The following LGALS9 variants were observed in gnomAD, a reference collection of about 807,000 sequenced individuals.
The protein encoded by LGALS9 is galectin 9.
LGALS9 carries 26 observed loss-of-function variants against 35.9 expected under a neutral mutation model. The observed-to-expected ratio is 0.72, with a 90% CI of 0.53 to 1.01. The LOEUF (loss-of-function observed/expected upper bound fraction) is 1.01. LGALS9 is among the 50% of genes least tolerant of loss of function. The pLI is 0.00. For synonymous variants in LGALS9, 149 were observed against 172.2 expected (o/e 0.87, Z 1.06); for missense variants, 347 against 445.8 (o/e 0.78, Z 1.99).
At chr17:27,645,053 G>A (rs1904826378) in intron 5 of LGALS9, 7 of 587,796 alleles carry the variant, frequency 1.2e-5, no homozygotes, top group Non-Finnish European at 2.1e-5. Context: ...AAAGCAATGA[G>A]GTCTCTATCA....
chr17:27,643,684 G>T, intron 5 of LGALS9, 64 bp downstream of exon 5: 1 of 1,518,926 alleles, frequency 6.6e-7, no homozygotes, highest in East Asian at 2.4e-5. Context: ...GGGTCTGAGA[G>T]GCTGGCCCCA....
chr17:27,645,308 C>T lies in LGALS9; in HGVS notation c.541-6C>T, dbSNP rs1904850954. 6.2e-7 allele frequency: 1 copy of T among 1,613,782 alleles called. No individual in the cohort carries two copies. Among genetic ancestry groups the T allele is most frequent in the Admixed American group, 1.7e-5 (1 of 59,974 alleles). ...ACCACCATTCTGACTCTCCTCACCC[C>T]TCCAGCCTCCCGGCGTGTGGCCTGC... On this transcript the variant is annotated splice_polypyrimidine_tract_variant and splice_region_variant and intron_variant, in intron 5 of 10. Coordinates refer to ENST00000395473, the MANE Select transcript of LGALS9 (RefSeq NM_009587.3).
chr17:27,640,716 T>C lies in LGALS9; in HGVS notation c.276T>C (p.Pro92=), dbSNP rs1904408158. 1 of 1,614,084 alleles carries C rather than the reference T, an allele frequency of 6.2e-7. No homozygotes were observed. Among genetic ancestry groups the C allele is most frequent in the South Asian group, 1.1e-5 (1 of 91,088 alleles). ...CCGAGGAGAGGAAGACACACATGCC[T>C]TTCCAGAAGGGGATGCCCTTTGACC... ...WGPEERKTHM[P]FQKGMPFDLC... is the part of the protein sequence containing the mutation. The change falls in exon 3 of 11, where the codon CCT becomes CCC. Residue 92 remains proline (P), a synonymous_variant. Coordinates refer to ENST00000395473, the MANE Select transcript of LGALS9 (RefSeq NM_009587.3).
rs990503489 is a variant in LGALS9 at position 27,645,556 on chromosome 17, G to A, written c.576+207G>A. The A allele has an allele frequency of 4.1e-4, 300 of 726,218 alleles. 4 individuals carry two copies. Among genetic ancestry groups the A allele is most frequent in the East Asian group, 9.1e-4 (31 of 34,008 alleles). 45.0% of individuals were successfully genotyped at this position (726,218 alleles called of 1,614,324 possible). A position where few individuals can be genotyped will look rare whatever the true frequency, so the allele number is the denominator to read the frequency against. ...GAGTTGCCACCCCGTGGGCAGCCAC[G>A]GAAGACCATGCCCCACATTCACTTC... On this transcript the variant is annotated intron_variant, in intron 6 of 10. Transcript: ENST00000395473.
rs1039651510 is a variant in LGALS9, at chr17:27,642,648, C to A, written c.444+300C>A. ...GAGGGCATATTGTTCTAGAAAGAGC[C>A]CAGGCTCAAGAACCAAACTGAATCC... On this transcript the variant is annotated intron_variant, in intron 4 of 10. Transcript: ENST00000395473. 4.7e-4 allele frequency among the ~76,000 whole-genome samples: 71 copies of A among 152,028 alleles called. 2 individuals carry two copies. Among genetic ancestry groups the A allele is most frequent in the African/African-American group, 1.6e-3 (68 of 41,288 alleles).
chr17:27,631,532 T>C (rs2074392861), intron 1 of LGALS9, among the ~76,000 whole-genome samples: 1 of 152,210 alleles, frequency 6.6e-6, no homozygotes, highest in African/African-American at 2.4e-5. Context: ...TTTGACAGTG[T>C]TGACTGAGCT....
chr17:27,648,414 TG>T (rs1397090182), intron 10 of LGALS9, among the ~76,000 whole-genome samples: 2 of 152,242 alleles, frequency 1.3e-5, no homozygotes, highest in Non-Finnish European at 2.9e-5. Flanking sequence ...GGACAGTGCC[TG>T]GCAGGTGGCA....
intron 4 of LGALS9, 128 bp downstream of exon 4, chr17:27,642,476 T>A (rs1291493199): frequency 1.5e-6 from 2 of 1,376,076 alleles, no homozygotes; most frequent in African/African-American, 1.5e-5. Context: ...AACCTCTGCT[T>A]CCCTGTCCCA....
intron 1 of LGALS9, among the ~76,000 whole-genome samples, chr17:27,632,665 T>G (rs2074404574): frequency 6.6e-6 from 1 of 152,204 alleles, no homozygotes; most frequent in South Asian, 2.1e-4. Context: ...TTCTGACATA[T>G]TATTATTCTG....
chr17:27,640,628 A>C lies in LGALS9; in HGVS notation c.188A>C (p.Asn63Thr). Reference protein sequence around the residue: ...FSGNDIAFHFNPRFEDGGYVV... With the variant: ...FSGNDIAFHFTPRFEDGGYVV... ...GGAAATGACATTGCCTTCCACTTCA[A>C]CCCTCGGTTTGAAGATGGAGGGTAC... The change falls in exon 3 of 11, where the codon AAC becomes ACC. Residue 63 changes from asparagine (N) to threonine (T), a missense_variant. By Grantham distance (65) the Asn-to-Thr change is moderately conservative. Transcript: ENST00000395473. 2.5e-6 allele frequency: 4 copies of C among 1,614,128 alleles called. No homozygotes were observed. Among genetic ancestry groups the C allele is most frequent in the Non-Finnish European group, 3.4e-6 (4 of 1,179,994 alleles).
chr17:27,634,664 C>T (rs377620488), intron 1 of LGALS9, among the ~76,000 whole-genome samples: 17 of 152,200 alleles, frequency 1.1e-4, no homozygotes, highest in African/African-American at 3.9e-4. Context: ...TGACACTGAT[C>T]CTCCTGCCTT....
At position 27,644,998 on chromosome 17, in the gene LGALS9, G is replaced by A. The variant is rs151149791; in HGVS notation, c.541-316G>A. On this transcript the variant is annotated intron_variant, in intron 5 of 10. Transcript: ENST00000395473. ...AAATACCACTTCTCACCTTATGGGTGAAATATGGCACTGGAAGTAATGCTC... is the reference window on the plus strand; with the variant it reads ...AAATACCACTTCTCACCTTATGGGTAAAATATGGCACTGGAAGTAATGCTC... 811 of 414,210 alleles carry A rather than the reference G, an allele frequency of 2.0e-3. 5 individuals carry two copies. Among genetic ancestry groups the A allele is most frequent in the African/African-American group, 3.4e-3 (163 of 48,450 alleles). 25.7% of individuals were successfully genotyped at this position (414,210 alleles called of 1,614,324 possible).
intron 1 of LGALS9, among the ~76,000 whole-genome samples, chr17:27,633,463 G>A (rs1277261001): frequency 1.3e-5 from 2 of 152,242 alleles, no homozygotes; most frequent in East Asian, 1.9e-4. Context: ...TAAGAGCCAC[G>A]TACTGGCCTC....
intron 8 of LGALS9, 51 bp downstream of exon 8, chr17:27,646,639 G>GCA (rs1904970254): frequency 6.2e-7 from 1 of 1,612,474 alleles, no homozygotes; most frequent in Non-Finnish European, 8.5e-7. Flanking sequence ...TGGGCAGGCT[G>GCA]GGGGTGAAGG....
intron 10 of LGALS9, among the ~76,000 whole-genome samples, chr17:27,648,026 T>A (rs1390111234): frequency 6.6e-6 from 1 of 152,244 alleles, no homozygotes; most frequent in Non-Finnish European, 1.5e-5. Context: ...CCACCCTGAC[T>A]ACATATTCAA....
chr17:27,647,833 G>A (rs1164716295), intron 10 of LGALS9, among the ~76,000 whole-genome samples: 2 of 152,256 alleles, frequency 1.3e-5, no homozygotes, highest in African/African-American at 4.8e-5. Context: ...CCTCCAGGGA[G>A]TTTATAATTT....
At chr17:27,645,375 T>C in intron 6 of LGALS9, 26 bp downstream of exon 6, 2 of 1,612,782 alleles carry the variant, frequency 1.2e-6, no homozygotes, top group Non-Finnish European at 1.7e-6. Flanking sequence ...TCTTTTTGGA[T>C]CGTCCTCATT....
Position 27,646,548 on chromosome 17 carries a change from C to A in LGALS9, c.629C>A (p.Thr210Asn), listed in dbSNP as rs749226291. 1.2e-6 allele frequency: 2 copies of A among 1,612,002 alleles called. No individual in the cohort carries two copies. The highest frequency in any genetic ancestry group is 1.7e-6 in the Non-Finnish European group (2 of 1,179,894). Residue 210 changes from threonine to asparagine, a missense_variant and splice_region_variant, in exon 8 of 11, where the codon ACT (threonine) becomes AAT (asparagine). By Grantham distance (65) the Thr-to-Asn change is moderately conservative. Coordinates refer to ENST00000395473, the MANE Select transcript of LGALS9 (RefSeq NM_009587.3). ...AATTTCCTGGTTTCTTTTCAACAGA[C>A]TCCCGCCATCCCACCTATGATGTAC... ...VQSAPGQMFS[T>N]PAIPPMMYPH... is the part of the protein sequence containing the mutation.
chr17:27,646,655 T>G, intron 8 of LGALS9, 67 bp downstream of exon 8: 2 of 1,608,752 alleles, frequency 1.2e-6, no homozygotes, highest in Non-Finnish European at 1.7e-6. Context: ...GAAGGGCCGC[T>G]GTGGGGGGAT....
Sources: allele counts gnomAD v4.1 joint callset (sites outside exome capture counted in the v4.1 genomes callset), GRCh38; gene constraint gnomAD v4.1.1; transcripts MANE v1.5; gene names NCBI Gene and HGNC (gene_info 2026-07-23, HGNC 2026-07-21).